The following HNF4G variants were observed in gnomAD, a reference collection of about 807,000 sequenced individuals.
The protein encoded by HNF4G is hepatocyte nuclear factor 4 gamma.
A neutral mutation model predicts 50.9 loss-of-function variants in HNF4G; 21 were observed. The observed-to-expected ratio is 0.41, with a 90% CI of 0.29 to 0.59. The LOEUF (loss-of-function observed/expected upper bound fraction) is 0.59. Ranked by LOEUF, HNF4G falls within the 20% of genes least tolerant of loss-of-function variation. The pLI is 0.26. For missense variants in HNF4G, 527 were observed against 559.4 expected (o/e 0.94, Z 0.58); for synonymous variants, 198 against 185.6 (o/e 1.07, Z -0.54).
chr8:75,538,428 T>C (rs1311551932), upstream of HNF4G, among the ~76,000 whole-genome samples: 1 of 152,212 alleles, frequency 6.6e-6, no homozygotes, highest in Non-Finnish European at 1.5e-5. Flanking sequence ...TATCTTTTTC[T>C]TTTTTACTTT....
intron 3 of HNF4G, among the ~76,000 whole-genome samples, chr8:75,548,856 C>A (rs1476481288): frequency 6.6e-6 from 1 of 152,132 alleles, no homozygotes; most frequent in South Asian, 2.1e-4. Context: ...TACAGAAATA[C>A]CATTAGTTTT....
chr8:75,540,093 C>T lies in HNF4G; in HGVS notation c.118+13C>T. The T allele has an allele frequency of 7.3e-7, 1 of 1,366,494 alleles. No homozygotes were observed. Among genetic ancestry groups the T allele is most frequent in the Non-Finnish European group, 1.0e-6 (1 of 955,468 alleles). 84.6% of individuals were successfully genotyped at this position (1,366,494 alleles called of 1,614,324 possible). A position where few individuals can be genotyped will look rare whatever the true frequency, so the allele number is the denominator to read the frequency against. ...TATAATTCAAGTGGTGAGTTATCAT[C>T]TGTTTATAGATGTAAAGAAAAGTAA... On this transcript the variant is annotated intron_variant, in intron 1 of 9. Coordinates refer to ENST00000396423, the MANE Select transcript of HNF4G (RefSeq NM_004133.5).
At chr8:75,462,696 A>C (rs1403444448) in intron 1 of HNF4G, among the ~76,000 whole-genome samples, 1 of 152,182 alleles carries the variant, frequency 6.6e-6, no homozygotes, top group Admixed American at 6.5e-5. Context: ...TACAATGATT[A>C]CGGTAGTGTA....
intron 1 of HNF4G, among the ~76,000 whole-genome samples, chr8:75,471,755 C>T (rs1812120473): frequency 2.0e-5 from 3 of 152,100 alleles, no homozygotes; most frequent in Admixed American, 2.0e-4. Flanking sequence ...TTCTCTGAAC[C>T]TTGGTTTTCT....
chr8:75,534,364 G>A (rs2130772141), intron 2 of HNF4G, among the ~76,000 whole-genome samples: 1 of 151,818 alleles, frequency 6.6e-6, no homozygotes, highest in African/African-American at 2.4e-5. Flanking sequence ...GAATCATAAG[G>A]CAGCTGACCT....
At chr8:75,464,636 A>G (rs1051048377) in intron 1 of HNF4G, among the ~76,000 whole-genome samples, 2 of 152,110 alleles carry the variant, frequency 1.3e-5, no homozygotes, top group African/African-American at 4.8e-5. Context: ...ACTCAATATA[A>G]TTTTGCTTAT....
chr8:75,528,125 G>T (rs1247673802), intron 2 of HNF4G, among the ~76,000 whole-genome samples: 3 of 152,136 alleles, frequency 2.0e-5, no homozygotes, highest in Non-Finnish European at 4.4e-5. Context: ...TCCTAAGGCT[G>T]GGAAAAGTGA....
At chr8:75,447,363 T>G (rs1424296458) in intron 1 of HNF4G, among the ~76,000 whole-genome samples, 4 of 111,902 alleles carry the variant, frequency 3.6e-5, no homozygotes, top group South Asian at 3.2e-4. Flanking sequence ...ATTCAGGACA[T>G]AGGCATGGGC....
At chr8:75,479,757 A>C (rs552700354) in intron 1 of HNF4G, among the ~76,000 whole-genome samples, 73 of 152,228 alleles carry the variant, frequency 4.8e-4, no homozygotes, top group Non-Finnish European at 8.1e-4. Context: ...TACAAGCTGA[A>C]AAATATGAAA....
At chr8:75,467,117 T>G (rs1395051130) in intron 1 of HNF4G, among the ~76,000 whole-genome samples, 7 of 152,216 alleles carry the variant, frequency 4.6e-5, no homozygotes, top group African/African-American at 1.7e-4. Flanking sequence ...ACATTCTCAT[T>G]TGTTTTCTTG....
chr8:75,453,314 C>G (rs1483458303), intron 1 of HNF4G, among the ~76,000 whole-genome samples: 25 of 152,178 alleles, frequency 1.6e-4, no homozygotes, highest in Admixed American at 1.6e-3. Flanking sequence ...TAAAAACGCA[C>G]CAGTCAGTGC....
intron 6 of HNF4G, 65 bp downstream of exon 6, chr8:75,556,134 G>A: frequency 1.2e-6 from 1 of 835,636 alleles, no homozygotes. Flanking sequence ...TATTATACAG[G>A]GTCTGTTCTG....
chr8:75,562,757 T>C (rs866945985), intron 9 of HNF4G, among the ~76,000 whole-genome samples: 42 of 152,174 alleles, frequency 2.8e-4, no homozygotes, highest in African/African-American at 9.6e-4. Context: ...TTGTGGGATT[T>C]GTTTGCAAAA....
intron 1 of HNF4G, among the ~76,000 whole-genome samples, chr8:75,488,437 C>T (rs1446317168): frequency 6.6e-6 from 1 of 150,790 alleles, no homozygotes; most frequent in African/African-American, 2.5e-5. Context: ...CCATGCCTGG[C>T]TATTTTTTTT....
chr8:75,454,787 A>AT (rs1276651777), intron 1 of HNF4G, among the ~76,000 whole-genome samples: 2 of 152,092 alleles, frequency 1.3e-5, no homozygotes, highest in Non-Finnish European at 2.9e-5. Flanking sequence ...ATATTTAGTT[A>AT]TTTTTGTGGT....
intron 1 of HNF4G, among the ~76,000 whole-genome samples, chr8:75,480,721 C>CTTTTTT (rs1336807468): frequency 2.5e-5 from 3 of 122,436 alleles, no homozygotes; most frequent in African/African-American, 6.6e-5. Context: ...CTTTTTCTTT[C>CTTTTTT]TTTTTTTTTT....
intron 1 of HNF4G, among the ~76,000 whole-genome samples, chr8:75,456,261 G>T (rs1811721358): frequency 6.6e-6 from 1 of 152,020 alleles, no homozygotes; most frequent in Non-Finnish European, 1.5e-5. Context: ...CAGAAAAGAA[G>T]AGAATGAATC....
chr8:75,442,829 A>C (rs956380100), intron 1 of HNF4G, among the ~76,000 whole-genome samples: 1 of 152,120 alleles, frequency 6.6e-6, no homozygotes, highest in Non-Finnish European at 1.5e-5. Context: ...AATAAAATAA[A>C]ATGCCTATAT....
chr8:75,455,145 A>G (rs576998429), intron 1 of HNF4G, among the ~76,000 whole-genome samples: 2 of 152,138 alleles, frequency 1.3e-5, no homozygotes, highest in Non-Finnish European at 2.9e-5. Context: ...AAGTATATCA[A>G]CTCTCAAAAT....
Sources: gnomAD v4.1 joint callset for allele counts (sites outside exome capture counted in the v4.1 genomes callset) on GRCh38, gnomAD v4.1.1 for gene constraint, MANE v1.5 for transcripts, NCBI Gene and HGNC (gene_info 2026-07-23, HGNC 2026-07-21) for gene names.